The following TRPM1 variants were observed in gnomAD, a reference collection of about 807,000 sequenced individuals.
TRPM1 encodes the protein TRPM1-203 APA Isoform, Intron 10.
TRPM1 carries 113 observed loss-of-function variants against 149.4 expected under a neutral mutation model. That is an observed-to-expected ratio of 0.76 (90% CI 0.65 to 0.88). The LOEUF (loss-of-function observed/expected upper bound fraction) is 0.88. Ranked by LOEUF, TRPM1 falls within the 40% of genes least tolerant of loss-of-function variation. The pLI, the probability that TRPM1 is intolerant of heterozygous loss-of-function variation, is 0.00. For synonymous variants in TRPM1, 741 were observed against 759.5 expected, an observed-to-expected ratio of 0.98 and a Z score of 0.40; for missense variants, 1,976 against 2,038.7, an observed-to-expected ratio of 0.97 and a Z score of 0.59.
intron 1 of TRPM1, among the ~76,000 whole-genome samples, chr15:31,122,263 A>G (rs1044844824): frequency 6.6e-6 from 1 of 152,198 alleles, no homozygotes; most frequent in African/African-American, 2.4e-5. Flanking sequence ...TTCCCACTAA[A>G]ATAAGGAATA....
At chr15:31,046,846 A>T (rs11636071) in intron 15 of TRPM1, among the ~76,000 whole-genome samples, 1 of 152,002 alleles carries the variant, frequency 6.6e-6, no homozygotes, top group Non-Finnish European at 1.5e-5. Context: ...AGGCTGGAGC[A>T]GGCAGACAGT....
rs973028509 is a variant in TRPM1 at position 31,001,170 on chromosome 15, A to G, written c.*652T>C. On this transcript the variant is annotated 3_prime_UTR_variant, in exon 28 of 28. Transcript: ENST00000256552. ...TTGTGTACTTTTTTTCCCATTGTGT[A>G]GTTTAAAATAAAACATTAAAACAGA... The G allele has an allele frequency of 6.6e-6, 1 of 152,174 alleles. No homozygotes were observed. Among genetic ancestry groups the G allele is most frequent in the African/African-American group, 2.4e-5 (1 of 41,416 alleles). The allele number at this position is 152,174 out of a possible 1,614,324, so 9.4% of individuals were successfully genotyped here.
At chr15:31,158,879 T>A (rs1352079264) in intron 1 of TRPM1, among the ~76,000 whole-genome samples, 1 of 152,152 alleles carries the variant, frequency 6.6e-6, no homozygotes, top group Non-Finnish European at 1.5e-5. Context: ...TCTCCAGATA[T>A]CCAGATATCT....
At chr15:31,088,067 C>A (rs972167585) in intron 1 of TRPM1, among the ~76,000 whole-genome samples, 6 of 152,182 alleles carry the variant, frequency 3.9e-5, no homozygotes, top group Non-Finnish European at 7.4e-5. Context: ...AGAGGTGCAG[C>A]CGACTGGGCT....
intron 7 of TRPM1, chr15:31,065,214 C>A (rs950844403): frequency 2.0e-6 from 1 of 497,980 alleles, no homozygotes; most frequent in African/African-American, 2.0e-5. Context: ...CAGTCATCGA[C>A]CAATGTATTC....
intron 1 of TRPM1, among the ~76,000 whole-genome samples, chr15:31,156,195 C>CA (rs35981768): frequency 0.04 from 1,455 of 36,474 alleles, 196 homozygotes; most frequent in African/African-American, 0.074. Context: ...AGACCTCTGT[C>CA]AAAAAAAAAA....
At chr15:31,020,956 G>A (rs898402572) in intron 27 of TRPM1, among the ~76,000 whole-genome samples, 3 of 152,040 alleles carry the variant, frequency 2.0e-5, no homozygotes, top group Non-Finnish European at 2.9e-5. Flanking sequence ...ACACCCTCCA[G>A]TACAACTTTT....
chr15:31,143,324 T>TA (rs2036182445), intron 1 of TRPM1, among the ~76,000 whole-genome samples: 1 of 152,206 alleles, frequency 6.6e-6, no homozygotes, highest in Non-Finnish European at 1.5e-5. Context: ...GAAGAAGAAT[T>TA]ACGAGTTTTT....
intron 3 of TRPM1, among the ~76,000 whole-genome samples, chr15:31,074,054 G>A (rs2034628126): frequency 6.6e-6 from 1 of 151,980 alleles, no homozygotes. Context: ...AACCCTGCTT[G>A]GTCATGGTGT....
chr15:31,145,333 T>C (rs2036211954), intron 1 of TRPM1, among the ~76,000 whole-genome samples: 1 of 152,230 alleles, frequency 6.6e-6, no homozygotes, highest in Non-Finnish European at 1.5e-5. Flanking sequence ...AGACTCCATG[T>C]CATAATGACT....
intron 2 of TRPM1, among the ~76,000 whole-genome samples, chr15:31,081,093 A>G (rs1297787759): frequency 6.6e-6 from 1 of 152,044 alleles, no homozygotes; most frequent in African/African-American, 2.4e-5. Flanking sequence ...GTCATCTGTG[A>G]TGACTCTGGG....
At chr15:31,123,818 A>G (rs917499355) in intron 1 of TRPM1, among the ~76,000 whole-genome samples, 3 of 152,258 alleles carry the variant, frequency 2.0e-5, no homozygotes, top group Non-Finnish European at 4.4e-5. Flanking sequence ...CTTATGATCC[A>G]GAAAATGGGC....
chr15:31,151,589 G>A (rs1241295021), intron 1 of TRPM1, among the ~76,000 whole-genome samples: 1 of 152,256 alleles, frequency 6.6e-6, no homozygotes, highest in Non-Finnish European at 1.5e-5. Flanking sequence ...TCTGGCCAGG[G>A]TTTGGTGTGG....
intron 8 of TRPM1, 154 bp from the exon 9 acceptor site, chr15:31,062,856 C>T: frequency 9.8e-7 from 1 of 1,017,706 alleles, no homozygotes; most frequent in Non-Finnish European, 1.5e-6. Context: ...ATCGTATTCT[C>T]ACTTGTCCTA....
intron 1 of TRPM1, among the ~76,000 whole-genome samples, chr15:31,091,311 C>T (rs1294548008): frequency 6.6e-6 from 1 of 152,226 alleles, no homozygotes; most frequent in Non-Finnish European, 1.5e-5. Context: ...TTGTGTTTTT[C>T]CAAGGCTTTT....
chr15:31,075,683 C>G (rs1450908229), intron 3 of TRPM1, among the ~76,000 whole-genome samples: 1 of 152,138 alleles, frequency 6.6e-6, no homozygotes, highest in Admixed American at 6.5e-5. Flanking sequence ...GCTCTGTGTT[C>G]TTGGCTGCAG....
intron 1 of TRPM1, among the ~76,000 whole-genome samples, chr15:31,131,829 C>A (rs1467350106): frequency 6.6e-6 from 1 of 151,924 alleles, no homozygotes; most frequent in Admixed American, 6.6e-5. Flanking sequence ...CGCCCCCACC[C>A]CCCTGCTGCC....
chr15:31,013,239 G>T (rs149003223), intron 27 of TRPM1, among the ~76,000 whole-genome samples: 1,617 of 152,012 alleles, frequency 0.011, 15 homozygotes, highest in Non-Finnish European at 0.017. Flanking sequence ...TTGAACTCCT[G>T]GCTTCAAGCA....
intron 25 of TRPM1, among the ~76,000 whole-genome samples, chr15:31,027,633 A>T (rs935351789): frequency 1.3e-5 from 2 of 152,174 alleles, no homozygotes; most frequent in Non-Finnish European, 2.9e-5. Flanking sequence ...CAATACTGGG[A>T]CCTTAGGAAA....
Sources: allele counts gnomAD v4.1 joint callset (sites outside exome capture counted in the v4.1 genomes callset), GRCh38; gene constraint gnomAD v4.1.1; transcripts MANE v1.5; gene names NCBI Gene and HGNC (gene_info 2026-07-23, HGNC 2026-07-21).